Variants in AGBL4 observed in about 807,000 individuals in gnomAD.
The protein encoded by AGBL4 is cytosolic carboxypeptidase 6.
Under a neutral mutation model 66.4 loss-of-function variants are expected in AGBL4, and 58 were observed. That is an observed-to-expected ratio of 0.87 (90% CI 0.71 to 1.09). The LOEUF is 1.09. AGBL4 is among the 50% of genes least tolerant of loss of function. The pLI is 0.00. For missense variants in AGBL4, 579 were observed against 631.0 expected (o/e 0.92, Z 0.88); for synonymous variants, 234 against 222.9 (o/e 1.05, Z -0.44).
intron 3 of AGBL4, among the ~76,000 whole-genome samples, chr1:49,589,544 T>C (rs1644714693): frequency 6.6e-6 from 1 of 152,034 alleles, no homozygotes. Flanking sequence ...AGGGAAAGCA[T>C]GAAAGTTATA....
chr1:48,861,784 C>T (rs1325098054), intron 6 of AGBL4, among the ~76,000 whole-genome samples: 1 of 152,162 alleles, frequency 6.6e-6, no homozygotes, highest in Non-Finnish European at 1.5e-5. Context: ...GACTATGCCT[C>T]CTTTCAGCAG....
intron 3 of AGBL4, among the ~76,000 whole-genome samples, chr1:49,260,774 T>C (rs1570256879): frequency 6.6e-6 from 1 of 151,814 alleles, no homozygotes; most frequent in South Asian, 2.1e-4. Context: ...CTCCAATCAA[T>C]AGAAAAAGAG....
chr1:48,913,526 C>T (rs917012152), intron 5 of AGBL4, among the ~76,000 whole-genome samples: 12 of 152,082 alleles, frequency 7.9e-5, no homozygotes, highest in Admixed American at 3.3e-4. Flanking sequence ...CTCATAGGAG[C>T]GTGAACCCTA....
At chr1:49,722,296 C>G (rs1358961406) in intron 2 of AGBL4, among the ~76,000 whole-genome samples, 1 of 152,074 alleles carries the variant, frequency 6.6e-6, no homozygotes, top group Non-Finnish European at 1.5e-5. Context: ...ATATAGAGGA[C>G]TCTCAGAAAT....
chr1:49,887,647 G>A, intron 1 of AGBL4, among the ~76,000 whole-genome samples: 1 of 152,016 alleles, frequency 6.6e-6, no homozygotes, highest in East Asian at 1.9e-4. Context: ...ACAATTAATT[G>A]AAGAATTAAG....
At chr1:49,282,057 A>G (rs890550057) in intron 3 of AGBL4, among the ~76,000 whole-genome samples, 2 of 152,164 alleles carry the variant, frequency 1.3e-5, no homozygotes, top group African/African-American at 4.8e-5. Context: ...AACCCCTGGC[A>G]TCTGACTATC....
chr1:48,981,058 C>T (rs1014632711), intron 5 of AGBL4, among the ~76,000 whole-genome samples: 1 of 152,000 alleles, frequency 6.6e-6, no homozygotes, highest in African/African-American at 2.4e-5. Context: ...AGTACAAATG[C>T]TGTGAATGTC....
At chr1:49,411,694 A>T in intron 3 of AGBL4, among the ~76,000 whole-genome samples, 1 of 1,412 alleles carries the variant, frequency 7.1e-4, no homozygotes, top group Non-Finnish European at 1.2e-3. Flanking sequence ...GAAAGGGGCA[A>T]CCTCTTGAAA....
intron 1 of AGBL4, among the ~76,000 whole-genome samples, chr1:49,993,894 A>T (rs1362434875): frequency 6.6e-6 from 1 of 152,166 alleles, no homozygotes; most frequent in Non-Finnish European, 1.5e-5. Flanking sequence ...ATCACTGTAC[A>T]ATTTAGCCAA....
intron 3 of AGBL4, among the ~76,000 whole-genome samples, chr1:49,339,513 G>T (rs1184966193): frequency 6.6e-6 from 1 of 152,158 alleles, no homozygotes; most frequent in East Asian, 1.9e-4. Flanking sequence ...CAAGCACCCA[G>T]TTCTGAAATG....
At chr1:49,481,520 G>A (rs922167935) in intron 3 of AGBL4, among the ~76,000 whole-genome samples, 3 of 151,704 alleles carry the variant, frequency 2.0e-5, no homozygotes, top group African/African-American at 7.2e-5. Flanking sequence ...AGTTTAAGAA[G>A]CTTTTGGACT....
At chr1:49,379,453 C>T (rs923296422) in intron 3 of AGBL4, among the ~76,000 whole-genome samples, 9 of 152,232 alleles carry the variant, frequency 5.9e-5, no homozygotes, top group African/African-American at 9.6e-5. Context: ...CATCTTTCTT[C>T]GACATCAGCA....
chr1:48,633,950 G>A (rs1645629418), intron 9 of AGBL4, among the ~76,000 whole-genome samples: 1 of 152,146 alleles, frequency 6.6e-6, no homozygotes, highest in Non-Finnish European at 1.5e-5. Flanking sequence ...GCATATTCTT[G>A]TCTTCTGAGC....
intron 1 of AGBL4, among the ~76,000 whole-genome samples, chr1:49,932,049 T>C (rs1244711289): frequency 6.6e-6 from 1 of 152,182 alleles, no homozygotes; most frequent in Non-Finnish European, 1.5e-5. Context: ...AACTGGTAAC[T>C]ATAATGGAAA....
At chr1:48,590,211 C>G (rs1644891080) in intron 10 of AGBL4, among the ~76,000 whole-genome samples, 1 of 151,952 alleles carries the variant, frequency 6.6e-6, no homozygotes, top group South Asian at 2.1e-4. Context: ...TCGAGAGCAG[C>G]CAGACCAACA....
At chr1:49,798,009 C>A (rs1430810090) in intron 2 of AGBL4, among the ~76,000 whole-genome samples, 1 of 152,038 alleles carries the variant, frequency 6.6e-6, no homozygotes, top group African/African-American at 2.4e-5. Flanking sequence ...GTGATACATC[C>A]AAAGTGCTGG....
chr1:48,864,355 A>T (rs1322363220), intron 6 of AGBL4, among the ~76,000 whole-genome samples: 1 of 152,216 alleles, frequency 6.6e-6, no homozygotes, highest in African/African-American at 2.4e-5. Flanking sequence ...AAATATGTTC[A>T]ATTACTTTGG....
chr1:49,025,081 A>G (rs1283061424), intron 5 of AGBL4, among the ~76,000 whole-genome samples: 4 of 152,202 alleles, frequency 2.6e-5, no homozygotes, highest in African/African-American at 9.6e-5. Context: ...GGCAGAGTTA[A>G]GGTTCTAACC....
intron 3 of AGBL4, among the ~76,000 whole-genome samples, chr1:49,322,042 T>C (rs1377280321): frequency 6.6e-6 from 1 of 152,176 alleles, no homozygotes; most frequent in East Asian, 1.9e-4. Context: ...CCAACCCAGG[T>C]TAATCCTGGT....
Sources: gnomAD v4.1 joint callset for allele counts (sites outside exome capture counted in the v4.1 genomes callset) on GRCh38, gnomAD v4.1.1 for gene constraint, MANE v1.5 for transcripts, NCBI Gene and HGNC (gene_info 2026-07-23, HGNC 2026-07-21) for gene names.